Variants in HUNK observed in about 807,000 individuals in gnomAD.
The protein encoded by HUNK is hormonally up-regulated neu tumor-associated kinase.
HUNK carries 21 observed loss-of-function variants against 61.0 expected under a neutral mutation model. That is an observed-to-expected ratio of 0.34 (90% CI 0.24 to 0.50). HUNK has a LOEUF of 0.50. Ranked by LOEUF, HUNK falls within the 20% of genes least tolerant of loss-of-function variation. HUNK has a pLI of 0.98. For synonymous variants in HUNK, 371 were observed against 386.1 expected (o/e 0.96, Z 0.46); for missense variants, 772 against 945.7 (o/e 0.82, Z 2.41).
intron 7 of HUNK, among the ~76,000 whole-genome samples, chr21:31,981,873 T>C (rs1485773129): frequency 6.6e-6 from 1 of 152,138 alleles, no homozygotes; most frequent in African/African-American, 2.4e-5. Flanking sequence ...TTATTTAGTT[T>C]AACAATTTCC....
chr21:31,912,150 A>C (rs941741464), intron 1 of HUNK, among the ~76,000 whole-genome samples: 5 of 152,094 alleles, frequency 3.3e-5, no homozygotes, highest in Admixed American at 3.3e-4. Flanking sequence ...CTCCCTCCCC[A>C]TCTTCTTTCC....
At chr21:31,919,315 G>A (rs902408536) in intron 1 of HUNK, among the ~76,000 whole-genome samples, 12 of 152,160 alleles carry the variant, frequency 7.9e-5, no homozygotes, top group Non-Finnish European at 1.6e-4. Flanking sequence ...TCACCTTCAG[G>A]AAAGGGAGGA....
At chr21:31,983,094 C>T (rs1257847325) in intron 7 of HUNK, among the ~76,000 whole-genome samples, 3 of 152,234 alleles carry the variant, frequency 2.0e-5, no homozygotes, top group Admixed American at 6.5e-5. Flanking sequence ...TGAGCCACTG[C>T]ACCCAGCCGT....
intron 3 of HUNK, among the ~76,000 whole-genome samples, chr21:31,941,267 T>C (rs1026335946): frequency 4.6e-5 from 7 of 152,114 alleles, no homozygotes; most frequent in Non-Finnish European, 1.0e-4. Context: ...TCTTAGAAGA[T>C]TCTTAGATAA....
chr21:31,922,717 C>G (rs1312557477), intron 1 of HUNK, among the ~76,000 whole-genome samples: 1 of 152,156 alleles, frequency 6.6e-6, no homozygotes, highest in Non-Finnish European at 1.5e-5. Flanking sequence ...TTTTCTTTAT[C>G]ATGAACTATG....
At chr21:31,976,407 G>A (rs1938740273) in intron 7 of HUNK, among the ~76,000 whole-genome samples, 1 of 150,298 alleles carries the variant, frequency 6.7e-6, no homozygotes, top group African/African-American at 2.5e-5. Context: ...AAGACATACT[G>A]GACTTGAAGC....
chr21:31,913,756 G>T (rs565040020), intron 1 of HUNK, among the ~76,000 whole-genome samples: 1 of 151,906 alleles, frequency 6.6e-6, no homozygotes, highest in South Asian at 2.1e-4. Context: ...GCAGAGGAAG[G>T]CCTGGGATAG....
intron 2 of HUNK, among the ~76,000 whole-genome samples, chr21:31,937,276 A>T (rs916168866): frequency 6.6e-6 from 1 of 152,146 alleles, no homozygotes; most frequent in Non-Finnish European, 1.5e-5. Context: ...AGACACATAA[A>T]CCTTTATTTG....
intron 1 of HUNK, among the ~76,000 whole-genome samples, chr21:31,884,305 A>T (rs1326385841): frequency 2.0e-5 from 3 of 152,142 alleles, no homozygotes; most frequent in Non-Finnish European, 4.4e-5. Context: ...ATAAAAAAAT[A>T]AAAAAGGCCA....
intron 1 of HUNK, among the ~76,000 whole-genome samples, chr21:31,919,689 G>C (rs990984150): frequency 6.6e-5 from 10 of 152,176 alleles, no homozygotes; most frequent in Non-Finnish European, 1.0e-4. Context: ...GCCTGAGAGG[G>C]AGTTCGTGAA....
Position 31,984,853 on chromosome 21 carries a change from G to A in HUNK, c.1257+1244G>A, listed in dbSNP as rs778375275. On this transcript the variant is annotated intron_variant, in intron 8 of 10. Transcript: ENST00000270112. ...CCCAGGTCTATTAGTCTGTTCTCACGCTGCTAATGAAGACATACCCGAGAC... is the reference window on the plus strand; with the variant it reads ...CCCAGGTCTATTAGTCTGTTCTCACACTGCTAATGAAGACATACCCGAGAC... Among the ~76,000 whole-genome samples the A allele has an allele frequency of 7.2e-5, 11 of 152,222 alleles. No individual in the cohort carries two copies. In the East Asian group the frequency reaches 7.7e-4, roughly 11 times the overall value.
chr21:31,884,648 A>G (rs1206207167), intron 1 of HUNK, among the ~76,000 whole-genome samples: 2 of 152,160 alleles, frequency 1.3e-5, no homozygotes, highest in African/African-American at 2.4e-5. Flanking sequence ...TCCTTCCACC[A>G]TATGAGGACT....
chr21:31,960,268 G>A (rs914662523), intron 5 of HUNK, among the ~76,000 whole-genome samples: 4 of 152,104 alleles, frequency 2.6e-5, no homozygotes, highest in African/African-American at 9.7e-5. Context: ...TTATATATCA[G>A]CAGGGGAAGC....
chr21:31,877,125 A>G (rs1349247473), intron 1 of HUNK, among the ~76,000 whole-genome samples: 2 of 152,158 alleles, frequency 1.3e-5, no homozygotes, highest in Non-Finnish European at 2.9e-5. Context: ...AGGGCACCCC[A>G]AGTTTGGCCT....
At chr21:31,935,281 T>A (rs2052725835) in intron 2 of HUNK, among the ~76,000 whole-genome samples, 1 of 152,240 alleles carries the variant, frequency 6.6e-6, no homozygotes, top group African/African-American at 2.4e-5. Flanking sequence ...GTTTCAGATT[T>A]ACAGAAGACT....
Position 31,951,481 on chromosome 21 carries a change from C to T in HUNK, c.746+5310C>T, listed in dbSNP as rs930507202. On this transcript the variant is annotated intron_variant, in intron 4 of 10. Coordinates refer to ENST00000270112, the MANE Select transcript of HUNK (RefSeq NM_014586.2). Reference sequence around the variant, plus strand: ...GAAAACAGAAATTGAGAGTTCTATACCGAGAAGATTGAGAATGCAACGTTG... The same window carrying T: ...GAAAACAGAAATTGAGAGTTCTATATCGAGAAGATTGAGAATGCAACGTTG... Among the ~76,000 whole-genome samples the T allele has an allele frequency of 9.2e-5, 14 of 152,102 alleles. 1 individual carries two copies. The highest frequency in any genetic ancestry group is 1.6e-4 in the Non-Finnish European group (11 of 68,026).
At chr21:31,980,055 T>G (rs1381209025) in intron 7 of HUNK, among the ~76,000 whole-genome samples, 1 of 151,524 alleles carries the variant, frequency 6.6e-6, no homozygotes, top group Admixed American at 6.6e-5. Context: ...TTTATAGTTT[T>G]GGATCTTGTT....
At chr21:31,944,585 T>C (rs1266630694) in intron 3 of HUNK, among the ~76,000 whole-genome samples, 1 of 93,416 alleles carries the variant, frequency 1.1e-5, no homozygotes, top group Non-Finnish European at 2.2e-5. Flanking sequence ...GCTGGGTTGA[T>C]GGGAAAGGAA....
chr21:31,915,111 A>G (rs1165153956), intron 1 of HUNK, among the ~76,000 whole-genome samples: 2 of 151,324 alleles, frequency 1.3e-5, no homozygotes, highest in Admixed American at 6.6e-5. Context: ...TTCATTCCAA[A>G]TACTCCAGTG....
Sources: gnomAD v4.1 joint callset for allele counts (sites outside exome capture counted in the v4.1 genomes callset) on GRCh38, gnomAD v4.1.1 for gene constraint, MANE v1.5 for transcripts, NCBI Gene and HGNC (gene_info 2026-07-23, HGNC 2026-07-21) for gene names.